The following ANO3 variants were observed in gnomAD, a reference collection of about 807,000 sequenced individuals.
ANO3 encodes the protein anoctamin 3.
In ANO3, 99 loss-of-function variants were observed where a neutral mutation model predicts 144.8. That is an observed-to-expected ratio of 0.68 (90% CI 0.58 to 0.81). The LOEUF (loss-of-function observed/expected upper bound fraction) is 0.81, where lower values mean the gene tolerates loss of function less well. Among genes scored for constraint, ANO3 ranks in the 30% least tolerant of loss-of-function variants. The probability of loss-of-function intolerance (pLI) is 0.00; values close to 1 mark genes in which losing one functional copy is unlikely to be tolerated. For synonymous variants in ANO3, 414 were observed against 392.6 expected, an observed-to-expected ratio of 1.05 and a Z score of -0.64; for missense variants, 905 against 1,202.2, an observed-to-expected ratio of 0.75 and a Z score of 3.66.
At position 26,288,760 on chromosome 11, in the gene ANO3, G is replaced by C. The variant is rs1286895719; in HGVS notation, c.155-20885G>C. Among the ~76,000 whole-genome samples the C allele has an allele frequency of 2.0e-5, 3 of 151,928 alleles. No individual in the cohort carries two copies. In the East Asian group the frequency reaches 5.8e-4, roughly 29 times the overall value. ...TGAGAGGAATATTACTTTGCCACCTGAATACACGAAATTAGTCAACACTGG... is the reference window on the plus strand; with the variant it reads ...TGAGAGGAATATTACTTTGCCACCTCAATACACGAAATTAGTCAACACTGG... On this transcript the variant is annotated intron_variant, in intron 1 of 27. Coordinates refer to the ANO3 transcript ENST00000672621.
At chr11:26,566,137 A>G (rs1850573871) in intron 14 of ANO3, among the ~76,000 whole-genome samples, 1 of 151,914 alleles carries the variant, frequency 6.6e-6, no homozygotes, top group Non-Finnish European at 1.5e-5. Context: ...AACTTCCTCA[A>G]GCCACACACT....
intron 4 of ANO3, among the ~76,000 whole-genome samples, chr11:26,493,151 C>A (rs986353324): frequency 6.6e-6 from 1 of 152,132 alleles, no homozygotes; most frequent in Non-Finnish European, 1.5e-5. Flanking sequence ...AATAGGCATT[C>A]AAAAATTATT....
chr11:26,619,861 A>G (rs953249805), intron 17 of ANO3, among the ~76,000 whole-genome samples: 6 of 152,250 alleles, frequency 3.9e-5, no homozygotes, highest in Non-Finnish European at 8.8e-5. Context: ...ACTCTCTAGT[A>G]ATTCTTATCC....
intron 1 of ANO3, among the ~76,000 whole-genome samples, chr11:26,265,119 T>C (rs554605774): frequency 2.6e-5 from 4 of 152,308 alleles, no homozygotes; most frequent in African/African-American, 9.6e-5. Context: ...TTTCTACTTT[T>C]GTATATACTT....
intron 4 of ANO3, among the ~76,000 whole-genome samples, chr11:26,493,221 C>CATT (rs1362429138): frequency 1.3e-5 from 2 of 152,070 alleles, no homozygotes; most frequent in African/African-American, 4.8e-5. Context: ...GTGTTAAGTA[C>CATT]ATTAGGTGTG....
intron 1 of ANO3, among the ~76,000 whole-genome samples, chr11:26,191,407 A>G (rs1157403737): frequency 6.6e-6 from 1 of 151,978 alleles, no homozygotes; most frequent in East Asian, 1.9e-4. Flanking sequence ...GAACTGAAAC[A>G]CCGCTCTCTT....
At chr11:26,497,648 A>T (rs1021452415) in intron 4 of ANO3, among the ~76,000 whole-genome samples, 1 of 152,064 alleles carries the variant, frequency 6.6e-6, no homozygotes, top group Non-Finnish European at 1.5e-5. Context: ...TTCTAAATAC[A>T]TGTTGGAAAT....
chr11:26,475,311 G>A (rs558344284), intron 4 of ANO3, among the ~76,000 whole-genome samples: 1 of 151,792 alleles, frequency 6.6e-6, no homozygotes, highest in African/African-American at 2.4e-5. Context: ...GTTAACTAAG[G>A]TCAGATAGCT....
chr11:26,235,594 CT>C (rs55765741), intron 1 of ANO3, among the ~76,000 whole-genome samples: 12,299 of 139,584 alleles, frequency 0.088, 645 homozygotes, highest in African/African-American at 0.17. Context: ...ACAATGTATA[CT>C]TTTTTTTTTT....
At chr11:26,303,810 C>T (rs1854293732) in intron 1 of ANO3, among the ~76,000 whole-genome samples, 1 of 152,154 alleles carries the variant, frequency 6.6e-6, no homozygotes, top group African/African-American at 2.4e-5. Flanking sequence ...AACTCTGCCT[C>T]CCAGGTTCAA....
Position 26,624,342 on chromosome 11 carries a change from T to C in ANO3, c.1837-120T>C, listed in dbSNP as rs185402834. 4.6e-6 allele frequency: 3 copies of C among 647,138 alleles called. No homozygotes were observed. The East Asian group carries it at 7.9e-5, about 17-fold the overall frequency. The allele number at this position is 647,138 out of a possible 1,614,324, so 40.1% of individuals were successfully genotyped here. On this transcript the variant is annotated intron_variant, in intron 17 of 26. Transcript: ENST00000256737. ...TACTAAGTTTCAATAAATGTTTCTA[T>C]TTAAAGTAAAATGTAACCACTGTAT...
intron 1 of ANO3, among the ~76,000 whole-genome samples, chr11:26,199,101 A>T (rs117350955): frequency 1.3e-4 from 19 of 146,102 alleles, no homozygotes; most frequent in Admixed American, 1.2e-3. Context: ...GATCAATTTT[A>T]GGTTTCCACT....
At chr11:26,248,078 C>T (rs1047390606) in intron 1 of ANO3, among the ~76,000 whole-genome samples, 2 of 151,894 alleles carry the variant, frequency 1.3e-5, no homozygotes, top group South Asian at 2.1e-4. Flanking sequence ...TGGTGGCTCA[C>T]GCTCGTAATT....
rs376652249 is a variant in ANO3, at chr11:26,248,230, C to T, written c.154+58900C>T. ...GCACATGCCTGCAGTTCCAACTACTCGGGAGGCTGAGGCAGGAGAATCGCT... is the reference window on the plus strand; with the variant it reads ...GCACATGCCTGCAGTTCCAACTACTTGGGAGGCTGAGGCAGGAGAATCGCT... On this transcript the variant is annotated intron_variant, in intron 1 of 27. Transcript: ENST00000672621. Among the ~76,000 whole-genome samples, 185 of 152,020 alleles carry T rather than the reference C, an allele frequency of 1.2e-3. 2 individuals carry two copies. In the East Asian group the frequency reaches 0.016, roughly 13 times the overall value.
upstream of ANO3, among the ~76,000 whole-genome samples, chr11:26,306,891 T>C (rs1024972775): frequency 6.6e-6 from 1 of 152,084 alleles, no homozygotes; most frequent in African/African-American, 2.4e-5. Flanking sequence ...AATTTGAGGT[T>C]TCTTTTGTAA....
chr11:26,624,300 A>G (rs1187008044), intron 17 of ANO3, among the ~76,000 whole-genome samples, 162 bp from the exon 18 acceptor site: 1 of 152,242 alleles, frequency 6.6e-6, no homozygotes, highest in African/African-American at 2.4e-5. Context: ...TCATGTATGT[A>G]TATATAAAGC....
intron 1 of ANO3, among the ~76,000 whole-genome samples, chr11:26,244,430 T>G (rs1314032445): frequency 2.0e-5 from 3 of 152,184 alleles, no homozygotes; most frequent in Non-Finnish European, 4.4e-5. Flanking sequence ...TTACAAAATC[T>G]TTGGATTATT....
intron 1 of ANO3, among the ~76,000 whole-genome samples, chr11:26,248,855 A>G (rs937865726): frequency 3.3e-5 from 5 of 152,160 alleles, no homozygotes; most frequent in African/African-American, 1.2e-4. Flanking sequence ...ATGCCTGACC[A>G]CCTGAGCTCT....
intron 1 of ANO3, among the ~76,000 whole-genome samples, chr11:26,369,269 C>T (rs942997016): frequency 9.9e-5 from 15 of 152,054 alleles, no homozygotes; most frequent in African/African-American, 3.1e-4. Flanking sequence ...TTCAAAAGGG[C>T]ATTTAGGAAC....
Sources: allele counts gnomAD v4.1 joint callset (sites outside exome capture counted in the v4.1 genomes callset), GRCh38; gene constraint gnomAD v4.1.1; transcripts MANE v1.5; gene names NCBI Gene and HGNC (gene_info 2026-07-23, HGNC 2026-07-21).